GAN: variants seen among roughly 807,000 people sequenced by gnomAD.
GAN encodes gigaxonin, also known as epididymis secretory sperm binding protein.
GAN carries 48 observed loss-of-function variants against 71.3 expected under a neutral mutation model. That is an observed-to-expected ratio of 0.67 (90% CI 0.53 to 0.86). GAN has a LOEUF of 0.86. Ranked by LOEUF, GAN falls within the 40% of genes least tolerant of loss-of-function variation. The pLI is 0.00. For missense variants in GAN, 928 were observed against 770.1 expected, an observed-to-expected ratio of 1.21 and a Z score of -2.43; for synonymous variants, 386 against 276.8, an observed-to-expected ratio of 1.39 and a Z score of -3.92.
intron 1 of GAN, among the ~76,000 whole-genome samples, chr16:81,345,371 AC>A (rs759840202): frequency 9.2e-5 from 14 of 152,210 alleles, no homozygotes; most frequent in Non-Finnish European, 1.6e-4. Context: ...TCAATGATAG[AC>A]TAAGAAAATG....
chr16:81,315,347 C>A (rs575302927), intron 1 of GAN, 67 bp downstream of exon 1: 226 of 1,196,958 alleles, frequency 1.9e-4, no homozygotes, highest in Non-Finnish European at 2.4e-4. Flanking sequence ...GGCGGCCGGG[C>A]CGGGCGTGGC....
chr16:81,380,043 T>A lies in GAN; in HGVS notation c.*2447T>A, dbSNP rs1226482507. On this transcript the variant is annotated 3_prime_UTR_variant, in exon 11 of 11. Transcript: ENST00000648994. Reference sequence around the variant, plus strand: ...AAAGCTGCTAAGTGCCAAACTGTTATTTTACTATATATAAATATTAAAATA... The same window carrying A: ...AAAGCTGCTAAGTGCCAAACTGTTAATTTACTATATATAAATATTAAAATA... 2.0e-5 allele frequency: 3 copies of A among 152,634 alleles called. No homozygotes were observed. The highest frequency in any genetic ancestry group is 7.2e-5 in the African/African-American group (3 of 41,450). 9.5% of individuals were successfully genotyped at this position (152,634 alleles called of 1,614,324 possible).
chr16:81,352,120 A>G (rs1028757130), intron 2 of GAN, among the ~76,000 whole-genome samples: 20 of 152,244 alleles, frequency 1.3e-4, no homozygotes, highest in Non-Finnish European at 2.6e-4. Flanking sequence ...GTTGTGGATT[A>G]TTTGGTAGAA....
At chr16:81,326,566 T>C (rs1262515255) in intron 1 of GAN, among the ~76,000 whole-genome samples, 1 of 152,216 alleles carries the variant, frequency 6.6e-6, no homozygotes, top group Non-Finnish European at 1.5e-5. Context: ...GTCTGTGATA[T>C]GTATGTACAG....
intron 7 of GAN, among the ~76,000 whole-genome samples, chr16:81,364,268 C>G (rs951252009): frequency 6.6e-6 from 1 of 152,176 alleles, no homozygotes; most frequent in African/African-American, 2.4e-5. Context: ...TACTCTCTCT[C>G]TCTCTTTCCT....
chr16:81,335,616 G>A lies in GAN; in HGVS notation c.168-15967G>A, dbSNP rs183039276. Among the ~76,000 whole-genome samples, 14 of 151,912 alleles carry A rather than the reference G, an allele frequency of 9.2e-5. No individual in the cohort carries two copies. The East Asian group carries it at 1.6e-3, about 17-fold the overall frequency. ...ACAAAAATTAGCTGGGTGTGGTGGC[G>A]CACACTTGCAATCCCAGCTACTCAG... On this transcript the variant is annotated intron_variant, in intron 1 of 10. Coordinates refer to ENST00000648994, the MANE Select transcript of GAN (RefSeq NM_022041.4).
At chr16:81,327,958 A>G (rs72833381) in intron 1 of GAN, among the ~76,000 whole-genome samples, 44 of 152,338 alleles carry the variant, frequency 2.9e-4, no homozygotes, top group African/African-American at 9.6e-4. Flanking sequence ...GTACCTTTCC[A>G]AAAGGTCAGG....
chr16:81,365,405 C>G lies in GAN; in HGVS notation c.1429C>G (p.Arg477Gly). The G allele has an allele frequency of 1.9e-6, 3 of 1,613,350 alleles. No homozygotes were observed. The highest frequency in any genetic ancestry group is 2.5e-6 in the Non-Finnish European group (3 of 1,179,872). Residue 477 changes from arginine to glycine, a missense_variant, in exon 9 of 11, where the codon CGA (arginine) becomes GGA (glycine). Coordinates refer to ENST00000648994, the MANE Select transcript of GAN (RefSeq NM_022041.4). ...AMELYVFGGVRSREDAQGSEM... is the reference protein window; with the variant it reads ...AMELYVFGGVGSREDAQGSEM... ...GGAGCTGTATGTGTTTGGGGGAGTCCGAAGTCGTGAGGACGCCCAGGGTAG... is the reference window on the plus strand; with the variant it reads ...GGAGCTGTATGTGTTTGGGGGAGTCGGAAGTCGTGAGGACGCCCAGGGTAG...
rs1275132325 is a variant in GAN at position 81,356,904 on chromosome 16, A to C, written c.753A>C (p.Ile251=). 6.2e-7 allele frequency: 1 copy of C among 1,613,766 alleles called. No homozygotes were observed. Among genetic ancestry groups the C allele is most frequent in the African/African-American group, 1.3e-5 (1 of 74,890 alleles). Residue 251 remains isoleucine, a synonymous_variant, in exon 4 of 11, where the codon ATA becomes ATC. Transcript: ENST00000648994. The part of the protein sequence containing the change: ...VREIVKECSN[I]PLSQPQQGEA... ...AAATTGTCAAAGAGTGTAGCAATAT[A>C]CCGCTCAGCCAGCCGCAGCAAGGGG... is the stretch of plus-strand genomic sequence containing the variant.
chr16:81,324,803 T>TG (rs1271086244), intron 1 of GAN, among the ~76,000 whole-genome samples: 3 of 152,308 alleles, frequency 2.0e-5, no homozygotes, highest in Admixed American at 2.0e-4. Context: ...AATATTTGTT[T>TG]GTGTATTGTT....
chr16:81,318,678 A>G (rs1443895008), intron 1 of GAN, among the ~76,000 whole-genome samples: 2 of 152,208 alleles, frequency 1.3e-5, no homozygotes, highest in South Asian at 2.1e-4. Context: ...ATTCTGCTTT[A>G]TCTTTGGTCT....
intron 1 of GAN, among the ~76,000 whole-genome samples, chr16:81,336,373 C>G (rs992938650): frequency 6.6e-6 from 1 of 152,186 alleles, no homozygotes; most frequent in Admixed American, 6.5e-5. Flanking sequence ...TTGTGTGAGA[C>G]AAGGCCATCT....
chr16:81,338,846 A>T (rs1228602307), intron 1 of GAN, among the ~76,000 whole-genome samples: 1 of 152,208 alleles, frequency 6.6e-6, no homozygotes, highest in Non-Finnish European at 1.5e-5. Flanking sequence ...AGGCCCTTTG[A>T]GAGGCCCTGA....
chr16:81,381,845 T>C lies in GAN; in HGVS notation c.*4249T>C, dbSNP rs193028677. 1 of 152,346 alleles carries C rather than the reference T, an allele frequency of 6.6e-6. No individual in the cohort carries two copies. The highest frequency in any genetic ancestry group is 1.5e-5 in the Non-Finnish European group (1 of 68,036). The allele number at this position is 152,346 out of a possible 1,614,324, so 9.4% of individuals were successfully genotyped here. On this transcript the variant is annotated 3_prime_UTR_variant, in exon 11 of 11. Coordinates refer to ENST00000648994, the MANE Select transcript of GAN (RefSeq NM_022041.4). ...ACTGGGTTTTCAGTGAGAAACTTTG[T>C]ACCCATATGGGCTGGCCTCCTATAC...
chr16:81,320,507 G>C (rs751784813), intron 1 of GAN, among the ~76,000 whole-genome samples: 4 of 152,220 alleles, frequency 2.6e-5, no homozygotes, highest in African/African-American at 4.8e-5. Flanking sequence ...TGATTTCACA[G>C]TAATGTTCAG....
At chr16:81,372,249 C>G (rs1386590523) in intron 9 of GAN, among the ~76,000 whole-genome samples, 1 of 152,224 alleles carries the variant, frequency 6.6e-6, no homozygotes, top group Non-Finnish European at 1.5e-5. Flanking sequence ...TAACTGAAGA[C>G]ATGATATTGC....
intron 3 of GAN, among the ~76,000 whole-genome samples, chr16:81,356,329 T>C (rs951420435): frequency 3.3e-5 from 5 of 152,352 alleles, no homozygotes; most frequent in South Asian, 2.1e-4. Flanking sequence ...TTTTAAACTT[T>C]GGCTTTTGTA....
intron 1 of GAN, among the ~76,000 whole-genome samples, chr16:81,325,839 A>C (rs1909367163): frequency 6.6e-6 from 1 of 152,266 alleles, no homozygotes; most frequent in Admixed American, 6.5e-5. Context: ...ATTGCTGTTT[A>C]AACACCTTAA....
At chr16:81,349,607 G>A (rs1567489323) in intron 1 of GAN, among the ~76,000 whole-genome samples, 1 of 152,158 alleles carries the variant, frequency 6.6e-6, no homozygotes, top group African/African-American at 2.4e-5. Flanking sequence ...TTGCGCCACT[G>A]CACTCCAGAC....
Sources: gnomAD v4.1 joint callset for allele counts (sites outside exome capture counted in the v4.1 genomes callset) on GRCh38, gnomAD v4.1.1 for gene constraint, MANE v1.5 for transcripts, NCBI Gene and HGNC (gene_info 2026-07-23, HGNC 2026-07-21) for gene names.